Variants in SYNPO2 observed in about 807,000 individuals in gnomAD.
SYNPO2 encodes synaptopodin 2.
Under a neutral mutation model 85.0 loss-of-function variants are expected in SYNPO2, and 56 were observed. That is an observed-to-expected ratio of 0.66 (90% confidence interval 0.53 to 0.82). SYNPO2 has a LOEUF of 0.82. Ranked by LOEUF, SYNPO2 falls within the 40% of genes least tolerant of loss-of-function variation. The pLI, the probability that SYNPO2 is intolerant of heterozygous loss-of-function variation, is 0.00. For synonymous variants in SYNPO2, 602 were observed against 591.1 expected (o/e 1.02, Z -0.27); for missense variants, 1,575 against 1,534.2 (o/e 1.03, Z -0.44).
intron 1 of SYNPO2, among the ~76,000 whole-genome samples, chr4:119,004,834 G>T (rs201579458): frequency 0.27 from 40,668 of 151,352 alleles, 5,471 homozygotes; most frequent in Middle Eastern, 0.31. Context: ...CTAGTTTACA[G>T]TCCCACCAAC....
chr4:118,934,309 A>G (rs1408037071), intron 1 of SYNPO2, among the ~76,000 whole-genome samples: 2 of 152,184 alleles, frequency 1.3e-5, no homozygotes, highest in Non-Finnish European at 2.9e-5. Flanking sequence ...GATCAGGTCC[A>G]GGTCTTTCTC....
intron 1 of SYNPO2, among the ~76,000 whole-genome samples, chr4:118,858,635 CT>C (rs1242012509): frequency 1.3e-5 from 2 of 152,130 alleles, no homozygotes; most frequent in Non-Finnish European, 2.9e-5. Context: ...TTTCAATGGC[CT>C]CACAACTCAC....
At chr4:118,860,176 C>A (rs1731583680) in intron 1 of SYNPO2, among the ~76,000 whole-genome samples, 1 of 152,108 alleles carries the variant, frequency 6.6e-6, no homozygotes, top group Non-Finnish European at 1.5e-5. Flanking sequence ...CATTAAACAC[C>A]TTTTCACGCC....
chr4:119,036,975 G>A, intron 4 of SYNPO2: 2 of 1,303,916 alleles, frequency 1.5e-6, no homozygotes, highest in Non-Finnish European at 1.9e-6. Context: ...TAGAGTTTAA[G>A]TAATTTTTTT....
intron 1 of SYNPO2, among the ~76,000 whole-genome samples, chr4:118,881,752 C>T (rs1216527493): frequency 1.3e-5 from 2 of 152,168 alleles, no homozygotes; most frequent in Non-Finnish European, 2.9e-5. Context: ...TTGGGTAGGG[C>T]CTGAGGGCAT....
intron 1 of SYNPO2, among the ~76,000 whole-genome samples, chr4:118,902,256 A>G (rs960513131): frequency 6.6e-6 from 1 of 152,180 alleles, no homozygotes; most frequent in African/African-American, 2.4e-5. Flanking sequence ...CTCATGATGT[A>G]GCAGCCTACT....
chr4:118,925,681 T>C (rs1733689758), intron 1 of SYNPO2, among the ~76,000 whole-genome samples: 1 of 152,200 alleles, frequency 6.6e-6, no homozygotes, highest in Admixed American at 6.6e-5. Flanking sequence ...TATTCAATTA[T>C]TAAAATCAGC....
intron 4 of SYNPO2, among the ~76,000 whole-genome samples, chr4:119,054,840 G>T (rs1011431117): frequency 6.6e-6 from 1 of 152,148 alleles, no homozygotes; most frequent in Non-Finnish European, 1.5e-5. Flanking sequence ...GTTTCACCAG[G>T]GATCCACCTC....
intron 1 of SYNPO2, among the ~76,000 whole-genome samples, chr4:118,994,914 T>C (rs1736533430): frequency 6.6e-6 from 1 of 152,250 alleles, no homozygotes; most frequent in Non-Finnish European, 1.5e-5. Flanking sequence ...ACCCTTTGAT[T>C]AAATTTTCTT....
intron 1 of SYNPO2, among the ~76,000 whole-genome samples, chr4:118,861,901 G>A (rs769136701): frequency 6.6e-5 from 10 of 151,912 alleles, no homozygotes; most frequent in Non-Finnish European, 1.0e-4. Flanking sequence ...ATTCAATAGC[G>A]ATTGCATTAA....
chr4:119,058,107 AAT>A lies in SYNPO2; in HGVS notation c.*177_*178del, dbSNP rs914593786. ...GTGTGTGTGTGTGTGTATGTATGTG[AAT>A]ATACACACACACACACACACAGGTG... On this transcript the variant is annotated 3_prime_UTR_variant, in exon 5 of 5. Coordinates refer to ENST00000307142, the MANE Select transcript of SYNPO2 (RefSeq NM_133477.3). 6.1e-4 allele frequency: 334 copies of A among 549,842 alleles called. 2 individuals carry two copies. The highest frequency in any genetic ancestry group is 9.3e-4 in the Non-Finnish European group (295 of 317,104). 34.1% of individuals were successfully genotyped at this position (549,842 alleles called of 1,614,324 possible).
At chr4:118,852,527 T>A (rs1418296840) in intron 1 of SYNPO2, among the ~76,000 whole-genome samples, 1 of 152,202 alleles carries the variant, frequency 6.6e-6, no homozygotes, top group East Asian at 1.9e-4. Context: ...CACCATGGAA[T>A]ACTATTGCAG....
At chr4:118,942,078 T>C (rs1322275108) in intron 1 of SYNPO2, among the ~76,000 whole-genome samples, 2 of 152,300 alleles carry the variant, frequency 1.3e-5, no homozygotes, top group South Asian at 2.1e-4. Flanking sequence ...TTGGTTTACA[T>C]ATGAAAGGAA....
At chr4:118,968,447 C>G (rs1735396854) in intron 1 of SYNPO2, among the ~76,000 whole-genome samples, 1 of 152,188 alleles carries the variant, frequency 6.6e-6, no homozygotes, top group African/African-American at 2.4e-5. Context: ...CACTCCTGAG[C>G]TCCAGTCCAC....
intron 1 of SYNPO2, among the ~76,000 whole-genome samples, chr4:118,923,369 A>C (rs997406180): frequency 6.6e-6 from 1 of 152,010 alleles, no homozygotes; most frequent in Admixed American, 6.6e-5. Flanking sequence ...CAAAGAAGGA[A>C]ACAACAGACA....
intron 1 of SYNPO2, among the ~76,000 whole-genome samples, chr4:118,892,588 CA>C (rs1732412084): frequency 6.6e-6 from 1 of 152,070 alleles, no homozygotes; most frequent in Non-Finnish European, 1.5e-5. Flanking sequence ...GAAAAATCCT[CA>C]TATAAAGGAG....
chr4:118,880,136 G>A (rs1732053357), intron 1 of SYNPO2, among the ~76,000 whole-genome samples: 1 of 152,188 alleles, frequency 6.6e-6, no homozygotes, highest in African/African-American at 2.4e-5. Context: ...TAAGGAAATT[G>A]TAAGGGTCTG....
At chr4:119,035,594 A>G in intron 4 of SYNPO2, 2 of 985,376 alleles carry the variant, frequency 2.0e-6, no homozygotes, top group African/African-American at 1.7e-5. Context: ...GGTAACATAT[A>G]TCAAGGCTTT....
intron 4 of SYNPO2, chr4:119,036,777 T>G (rs1738529381): frequency 1.0e-6 from 1 of 1,000,406 alleles, no homozygotes; most frequent in Non-Finnish European, 1.2e-6. Context: ...TATGTATATT[T>G]GTACACCTAA....
Sources: allele counts gnomAD v4.1 joint callset (sites outside exome capture counted in the v4.1 genomes callset), GRCh38; gene constraint gnomAD v4.1.1; transcripts MANE v1.5; gene names NCBI Gene and HGNC (gene_info 2026-07-23, HGNC 2026-07-21).